The following BAZ2B variants were observed in gnomAD, a reference collection of about 807,000 sequenced individuals.
BAZ2B encodes bromodomain adjacent to zinc finger domain 2B.
In BAZ2B, 91 loss-of-function variants were observed where a neutral mutation model predicts 246.0. The ratio of observed to expected loss-of-function variants is 0.37; its 90% CI spans 0.31 to 0.44. The LOEUF (loss-of-function observed/expected upper bound fraction) is 0.44, where lower values mean the gene tolerates loss of function less well. BAZ2B is among the 20% of genes least tolerant of loss of function. The pLI is 1.00. For missense variants in BAZ2B, 2,332 were observed against 2,533.7 expected, an observed-to-expected ratio of 0.92 and a Z score of 1.71; for synonymous variants, 855 against 860.0, an observed-to-expected ratio of 0.99 and a Z score of 0.10.
chr2:159,710,476 G>A, the BAZ2B span, among the ~76,000 whole-genome samples: 18 of 152,244 alleles, frequency 1.2e-4, no homozygotes, highest in South Asian at 3.7e-3. Flanking sequence ...CCAAAGTGCT[G>A]GGATTACAGG....
chr2:159,601,702 C>T (rs1380236113), intron 1 of BAZ2B, among the ~76,000 whole-genome samples: 2 of 152,062 alleles, frequency 1.3e-5, no homozygotes, highest in African/African-American at 2.4e-5. Flanking sequence ...GCCTGGGCGA[C>T]AGGAGCGAAA....
At chr2:159,511,533 T>TAGTTCAGTATAAATTTAGTTCA (rs1435596508) in intron 2 of BAZ2B, among the ~76,000 whole-genome samples, 1 of 152,104 alleles carries the variant, frequency 6.6e-6, no homozygotes, top group Non-Finnish European at 1.5e-5. Flanking sequence ...TTATAAAGGA[T>TAGTTCAGTATAAATTTAGTTCA]GTAACAGATT....
At chr2:159,436,876 G>T (rs2072444291) in intron 8 of BAZ2B, among the ~76,000 whole-genome samples, 1 of 152,146 alleles carries the variant, frequency 6.6e-6, no homozygotes, top group Admixed American at 6.5e-5. Flanking sequence ...CAGTGTAAGG[G>T]TACTGAAGGA....
the BAZ2B span, among the ~76,000 whole-genome samples, chr2:159,640,561 A>G: frequency 2.0e-5 from 3 of 152,160 alleles, no homozygotes; most frequent in Admixed American, 6.6e-5. Flanking sequence ...TTTGGAAACT[A>G]TGCAAACACA....
chr2:159,541,425 C>T (rs532493172), intron 2 of BAZ2B, among the ~76,000 whole-genome samples: 1 of 151,974 alleles, frequency 6.6e-6, no homozygotes, highest in East Asian at 1.9e-4. Flanking sequence ...TTTCAGGTGC[C>T]CACCACCATC....
intron 27 of BAZ2B, 98 bp downstream of exon 27, chr2:159,372,947 C>G: frequency 7.4e-7 from 1 of 1,358,520 alleles, no homozygotes; most frequent in Non-Finnish European, 9.9e-7. Context: ...GTTTACCAAA[C>G]ATTGATTATG....
chr2:159,359,686 C>A (rs1046193726), intron 27 of BAZ2B, among the ~76,000 whole-genome samples: 1 of 152,178 alleles, frequency 6.6e-6, no homozygotes, highest in Non-Finnish European at 1.5e-5. Context: ...CCCTGATGAA[C>A]ATCGATGCGA....
At chr2:159,337,512 G>A (rs1210552888) in intron 32 of BAZ2B, 55 bp downstream of exon 32, 2 of 1,613,634 alleles carry the variant, frequency 1.2e-6, no homozygotes, top group Non-Finnish European at 1.7e-6. Context: ...CAGTAACTGT[G>A]CCCACATTAT....
intron 27 of BAZ2B, among the ~76,000 whole-genome samples, chr2:159,354,363 A>T (rs577971208): frequency 4.6e-5 from 7 of 151,992 alleles, no homozygotes; most frequent in Admixed American, 1.3e-4. Flanking sequence ...ATATATATAT[A>T]TTTTTTGAGA....
chr2:159,382,476 C>T (rs1052856007), intron 25 of BAZ2B, 83 bp downstream of exon 25: 21 of 1,379,518 alleles, frequency 1.5e-5, no homozygotes, highest in East Asian at 1.3e-4. Flanking sequence ...AATTCAAATC[C>T]GAATCCATCT....
chr2:159,504,419 G>A (rs891738597), intron 2 of BAZ2B, among the ~76,000 whole-genome samples: 1 of 152,064 alleles, frequency 6.6e-6, no homozygotes, highest in Non-Finnish European at 1.5e-5. Context: ...GTGCACTTTA[G>A]CCTCTAACTC....
chr2:159,418,487 A>G (rs2068154052), intron 13 of BAZ2B, among the ~76,000 whole-genome samples: 1 of 152,154 alleles, frequency 6.6e-6, no homozygotes, highest in African/African-American at 2.4e-5. Context: ...TTTAGCAGCC[A>G]CATGTTTAGG....
At chr2:159,687,513 T>C in the BAZ2B span, among the ~76,000 whole-genome samples, 3 of 152,196 alleles carry the variant, frequency 2.0e-5, no homozygotes, top group Admixed American at 6.5e-5. Context: ...TTCAGAGAGG[T>C]TCCAGGTTGA....
chr2:159,682,144 A>C, the BAZ2B span, among the ~76,000 whole-genome samples: 49 of 149,014 alleles, frequency 3.3e-4, no homozygotes, highest in African/African-American at 1.0e-3. Context: ...ATATCCCCTC[A>C]GTCTCTTCCT....
At chr2:159,614,569 G>A (rs1695455136) in intron 1 of BAZ2B, among the ~76,000 whole-genome samples, 1 of 151,834 alleles carries the variant, frequency 6.6e-6, no homozygotes, top group Admixed American at 6.6e-5. Context: ...AAGGGAGAGT[G>A]GAGCAAATAA....
intron 13 of BAZ2B, among the ~76,000 whole-genome samples, chr2:159,424,644 G>C (rs1330938143): frequency 6.6e-6 from 1 of 152,088 alleles, no homozygotes; most frequent in African/African-American, 2.4e-5. Flanking sequence ...TGTTTTAATA[G>C]GAGAGTGATT....
chr2:159,345,270 T>C (rs2067587328), intron 31 of BAZ2B, among the ~76,000 whole-genome samples: 1 of 152,054 alleles, frequency 6.6e-6, no homozygotes. Context: ...TCTCGTGCTC[T>C]ATACCACTGT....
intron 27 of BAZ2B, among the ~76,000 whole-genome samples, chr2:159,360,669 C>T (rs1050331642): frequency 6.6e-6 from 1 of 152,180 alleles, no homozygotes; most frequent in Admixed American, 6.5e-5. Context: ...AAGAACAAAG[C>T]TGGAGGCATC....
chr2:159,663,534 A>G, the BAZ2B span, among the ~76,000 whole-genome samples: 2 of 135,596 alleles, frequency 1.5e-5, no homozygotes, highest in Non-Finnish European at 1.6e-5. Flanking sequence ...TTCTTTTTTG[A>G]GATGGAGTCA....
Sources: allele counts gnomAD v4.1 joint callset (sites outside exome capture counted in the v4.1 genomes callset), GRCh38; gene constraint gnomAD v4.1.1; transcripts MANE v1.5; gene names NCBI Gene and HGNC (gene_info 2026-07-23, HGNC 2026-07-21).